ADSS2: variants seen among roughly 807,000 people sequenced by gnomAD.
The protein encoded by ADSS2 is adenylosuccinate synthetase isozyme 2.
In ADSS2, 30 loss-of-function variants were observed where a neutral mutation model predicts 60.0. That is an observed-to-expected ratio of 0.50 (90% CI 0.37 to 0.68). ADSS2 has a LOEUF of 0.68. ADSS2 is among the 30% of genes least tolerant of loss of function. The pLI, the probability that ADSS2 is intolerant of heterozygous loss-of-function variation, is 0.00. For synonymous variants in ADSS2, 187 were observed against 193.1 expected (o/e 0.97, Z 0.26); for missense variants, 373 against 554.8 (o/e 0.67, Z 3.29).
Position 244,411,330 on chromosome 1 carries a change from T to C in ADSS2, c.1275A>G (p.Ala425=), listed in dbSNP as rs1664412557. The change falls in exon 12 of 13, where the codon GCA becomes GCG. Residue 425 remains alanine, a synonymous_variant. Transcript: ENST00000366535. ...CTTCAATAAATCGAACATAGTTTTGTGCATTAACAGGTAGTTCTTTAAACG... is the reference window on the plus strand; with the variant it reads ...CTTCAATAAATCGAACATAGTTTTGCGCATTAACAGGTAGTTCTTTAAACG... ...ARAFKELPVN[A]QNYVRFIEDE... The C allele has an allele frequency of 3.7e-6, 6 of 1,613,974 alleles. No individual in the cohort carries two copies. The highest frequency in any genetic ancestry group is 5.1e-6 in the Non-Finnish European group (6 of 1,179,972).
chr1:244,423,548 C>G lies in ADSS2; in HGVS notation c.581+405G>C, dbSNP rs561080279. ...GTTGAGCTTGGTATACAATAATTCA[C>G]CAGTATCTGAGAGCTAATGATTTCT... On this transcript the variant is annotated intron_variant, in intron 6 of 12. Coordinates refer to ENST00000366535, the MANE Select transcript of ADSS2 (RefSeq NM_001126.5). Among the ~76,000 whole-genome samples the G allele has an allele frequency of 2.6e-3, 389 of 152,182 alleles. 7 individuals carry two copies. The South Asian group carries it at 0.031, about 12-fold the overall frequency.
At chr1:244,450,127 G>C (rs1665498279) in intron 1 of ADSS2, among the ~76,000 whole-genome samples, 1 of 152,224 alleles carries the variant, frequency 6.6e-6, no homozygotes, top group African/African-American at 2.4e-5. Flanking sequence ...TCGACAGCAA[G>C]AAAGCTCGGT....
At chr1:244,417,907 T>C (rs1220029068) in intron 9 of ADSS2, among the ~76,000 whole-genome samples, 155 bp from the exon 10 acceptor site, 1 of 152,192 alleles carries the variant, frequency 6.6e-6, no homozygotes. Context: ...GATGATGAAT[T>C]TTATCTGAGG....
intron 1 of ADSS2, among the ~76,000 whole-genome samples, chr1:244,441,299 C>T (rs550811834): frequency 2.6e-5 from 4 of 152,110 alleles, no homozygotes; most frequent in East Asian, 1.9e-4. Flanking sequence ...ACTTTGTGAT[C>T]CGCCCGCCTC....
chr1:244,442,010 A>G (rs965492481), intron 1 of ADSS2, among the ~76,000 whole-genome samples: 2 of 152,328 alleles, frequency 1.3e-5, no homozygotes, highest in Admixed American at 6.5e-5. Context: ...GGTTAAAAAT[A>G]AACTACTCTA....
intron 1 of ADSS2, among the ~76,000 whole-genome samples, chr1:244,442,575 T>C (rs1665274608): frequency 6.6e-6 from 1 of 152,108 alleles, no homozygotes; most frequent in Non-Finnish European, 1.5e-5. Flanking sequence ...TAGGGGGAAA[T>C]ATCTAAGTGC....
chr1:244,450,604 T>C (rs748142234), intron 1 of ADSS2, among the ~76,000 whole-genome samples: 27 of 152,346 alleles, frequency 1.8e-4, no homozygotes, highest in Middle Eastern at 6.8e-3. Context: ...TCTTGCAACC[T>C]AAACAGATAG....
chr1:244,418,057 T>A (rs752978656), intron 9 of ADSS2, among the ~76,000 whole-genome samples: 3 of 152,224 alleles, frequency 2.0e-5, no homozygotes, highest in Non-Finnish European at 4.4e-5. Flanking sequence ...ATCCAGCCAG[T>A]TCTTCCAAGA....
chr1:244,416,269 A>C (rs1234392104), intron 10 of ADSS2, among the ~76,000 whole-genome samples, 191 bp from the exon 11 acceptor site: 1 of 152,232 alleles, frequency 6.6e-6, no homozygotes, highest in Non-Finnish European at 1.5e-5. Context: ...ACACTGAGTT[A>C]CTTTGCTAGT....
intron 4 of ADSS2, among the ~76,000 whole-genome samples, chr1:244,425,855 A>T (rs551575429): frequency 6.6e-6 from 1 of 152,148 alleles, no homozygotes; most frequent in Admixed American, 6.6e-5. Flanking sequence ...CTTTAAAGCC[A>T]TATCAGTATA....
intron 4 of ADSS2, among the ~76,000 whole-genome samples, chr1:244,430,884 G>A (rs576698614): frequency 2.6e-5 from 4 of 152,258 alleles, no homozygotes; most frequent in South Asian, 2.1e-4. Context: ...CACTTTGGGC[G>A]GCCAAGGTAG....
At chr1:244,424,149 G>A (rs1276669901) in intron 5 of ADSS2, 89 bp from the exon 6 acceptor site, 1 of 1,225,322 alleles carries the variant, frequency 8.2e-7, no homozygotes, top group Non-Finnish European at 1.1e-6. Flanking sequence ...AGTTACATAT[G>A]ACTATTTTCT....
At chr1:244,434,199 TAAAA>T (rs1334218032) in intron 3 of ADSS2, among the ~76,000 whole-genome samples, 1 of 147,520 alleles carries the variant, frequency 6.8e-6, no homozygotes, top group African/African-American at 2.5e-5. Flanking sequence ...AAAAAAAAAT[TAAAA>T]AACCTAGTCA....
chr1:244,413,551 A>G (rs1401140190), intron 11 of ADSS2, among the ~76,000 whole-genome samples: 2 of 152,208 alleles, frequency 1.3e-5, no homozygotes, highest in African/African-American at 4.8e-5. Flanking sequence ...TGGCAGCTCC[A>G]CTGACCTGGG....
chr1:244,430,200 G>A (rs1337816132), intron 4 of ADSS2, among the ~76,000 whole-genome samples: 1 of 151,620 alleles, frequency 6.6e-6, no homozygotes, highest in African/African-American at 2.4e-5. Flanking sequence ...TTTTACTCTA[G>A]GCCTTTTGAC....
rs374245964 is a variant in ADSS2 at position 244,431,607 on chromosome 1, A to C, written c.406+938T>G. ...AGTCTACTAATAGACAACATACAGG[A>C]CAACAAATATTAACATAAAACTGTT... On this transcript the variant is annotated intron_variant, in intron 4 of 12. Transcript: ENST00000366535. Among the ~76,000 whole-genome samples the C allele has an allele frequency of 2.0e-5, 3 of 152,352 alleles. No individual in the cohort carries two copies. In the South Asian group the frequency reaches 6.2e-4, roughly 32 times the overall value.
intron 4 of ADSS2, among the ~76,000 whole-genome samples, chr1:244,431,812 GT>G (rs1268891328): frequency 6.6e-6 from 1 of 152,170 alleles, no homozygotes; most frequent in Non-Finnish European, 1.5e-5. Context: ...GTCTGTGGCT[GT>G]TATCTGGAGG....
intron 1 of ADSS2, among the ~76,000 whole-genome samples, chr1:244,449,805 T>C (rs1229888085): frequency 6.6e-6 from 1 of 152,178 alleles, no homozygotes; most frequent in Non-Finnish European, 1.5e-5. Flanking sequence ...TCAGCTAACA[T>C]TTTAAAGCCA....
At chr1:244,417,790 CA>C in intron 9 of ADSS2, 38 bp from the exon 10 acceptor site, 1 of 1,593,896 alleles carries the variant, frequency 6.3e-7, no homozygotes, top group Non-Finnish European at 8.6e-7. Context: ...ATTAGAATAG[CA>C]GTGCTATATA....
Sources: allele counts gnomAD v4.1 joint callset (sites outside exome capture counted in the v4.1 genomes callset), GRCh38; gene constraint gnomAD v4.1.1; transcripts MANE v1.5; gene names NCBI Gene and HGNC (gene_info 2026-07-23, HGNC 2026-07-21).